The following STK24 variants were observed in gnomAD, a reference collection of about 807,000 sequenced individuals.
STK24 encodes serine/threonine kinase 24.
In STK24, 21 loss-of-function variants were observed where a neutral mutation model predicts 55.6. The ratio of observed to expected loss-of-function variants is 0.38; its 90% CI spans 0.27 to 0.54. STK24 has a LOEUF of 0.54. STK24 is among the 20% of genes least tolerant of loss of function. STK24 has a pLI of 0.79. For missense variants in STK24, 383 were observed against 538.4 expected, an observed-to-expected ratio of 0.71 and a Z score of 2.86; for synonymous variants, 200 against 215.2, an observed-to-expected ratio of 0.93 and a Z score of 0.62.
At chr13:98,470,926 T>G (rs1461989661) in intron 5 of STK24, among the ~76,000 whole-genome samples, 1 of 152,258 alleles carries the variant, frequency 6.6e-6, no homozygotes, top group African/African-American at 2.4e-5. Flanking sequence ...TGATATAAGC[T>G]TATTACTTAA....
chr13:98,493,155 A>C (rs1449533591), intron 2 of STK24, among the ~76,000 whole-genome samples: 1 of 152,218 alleles, frequency 6.6e-6, no homozygotes, highest in East Asian at 1.9e-4. Context: ...AACTGGAAAG[A>C]ACACTGGGCA....
intron 1 of STK24, among the ~76,000 whole-genome samples, chr13:98,520,867 C>T (rs1448183380): frequency 6.6e-6 from 1 of 152,264 alleles, no homozygotes; most frequent in Non-Finnish European, 1.5e-5. Flanking sequence ...ACAGTGACCT[C>T]CTGCACACAG....
intron 5 of STK24, among the ~76,000 whole-genome samples, chr13:98,472,629 G>GC (rs1894195519): frequency 1.3e-5 from 2 of 152,194 alleles, no homozygotes; most frequent in African/African-American, 4.8e-5. Flanking sequence ...AATGGCACCA[G>GC]CTTGATTTTC....
rs1157352281 is a variant in STK24 at position 98,481,457 on chromosome 13, G to A, written c.330+808C>T. Among the ~76,000 whole-genome samples, 4 of 152,192 alleles carry A rather than the reference G, an allele frequency of 2.6e-5. No individual in the cohort carries two copies. In the East Asian group the frequency reaches 7.7e-4, roughly 29 times the overall value. On this transcript the variant is annotated intron_variant, in intron 3 of 10. Transcript: ENST00000539966. ...CACCCTGGGAGCGCTGGCAAGCAGG[G>A]AAGTGTGTGTTCCCCTTAGGCATGA...
chr13:98,564,834 G>T lies in STK24; in HGVS notation c.42+11911C>A, dbSNP rs545236320. ...GCAGGAGGACTGCTTGAGGCCAAGA[G>T]TTCAAGTCCAGCCTTGGCAACATAG... On this transcript the variant is annotated intron_variant, in intron 1 of 10. Transcript: ENST00000539966. Among the ~76,000 whole-genome samples the T allele has an allele frequency of 5.9e-5, 9 of 152,250 alleles. No homozygotes were observed. In the South Asian group the frequency reaches 1.5e-3, roughly 25 times the overall value.
At chr13:98,539,730 G>A (rs1215031787) in intron 1 of STK24, among the ~76,000 whole-genome samples, 2 of 152,158 alleles carry the variant, frequency 1.3e-5, no homozygotes, top group East Asian at 1.9e-4. Context: ...ACAAACGGCT[G>A]GAGGGAGCAA....
intron 2 of STK24, among the ~76,000 whole-genome samples, chr13:98,512,007 C>G (rs1465103629): frequency 6.6e-6 from 1 of 151,326 alleles, no homozygotes; most frequent in Non-Finnish European, 1.5e-5. Context: ...GCCTCGGCCT[C>G]CCAATTAGCT....
Position 98,531,594 on chromosome 13 carries a change from C to G in STK24, c.43-12121G>C, listed in dbSNP as rs995927109. 2.6e-5 allele frequency among the ~76,000 whole-genome samples: 4 copies of G among 152,190 alleles called. No individual in the cohort carries two copies. The South Asian group carries it at 8.3e-4, about 32-fold the overall frequency. ...TTTGATATGAACAGAACCGGAGAAA[C>G]ATCAAGCTCCTGATTTTGACTTAAT... On this transcript the variant is annotated intron_variant, in intron 1 of 10. Transcript: ENST00000539966.
chr13:98,542,898 AC>A (rs1334198053), intron 1 of STK24: 9 of 985,368 alleles, frequency 9.1e-6, no homozygotes, highest in Non-Finnish European at 6.0e-6. Flanking sequence ...TCCAAACAAC[AC>A]CAGAACACGC....
intron 1 of STK24, among the ~76,000 whole-genome samples, chr13:98,529,278 C>A (rs1896516510): frequency 6.6e-6 from 1 of 152,170 alleles, no homozygotes; most frequent in Admixed American, 6.5e-5. Context: ...AACATGCAAA[C>A]CGCGTCATGG....
Position 98,576,860 on chromosome 13 carries a change from G to C in STK24, c.-74C>G. 2 of 995,664 alleles carry C rather than the reference G, an allele frequency of 2.0e-6. No individual in the cohort carries two copies. The highest frequency in any genetic ancestry group is 2.4e-6 in the Non-Finnish European group (2 of 832,576). The allele number at this position is 995,664 out of a possible 1,614,324, so 61.7% of individuals were successfully genotyped here. A position where few individuals can be genotyped will look rare whatever the true frequency, so the allele number is the denominator to read the frequency against. ...ATCCGCGCGGGGCGGCGAGGCCCGC[G>C]GGCCGCGCGCAGCCCTCGGGCGGCG... On this transcript the variant is annotated 5_prime_UTR_variant, in exon 1 of 11. Transcript: ENST00000539966.
intron 2 of STK24, among the ~76,000 whole-genome samples, chr13:98,499,533 G>T (rs1310439037): frequency 3.3e-5 from 5 of 152,218 alleles, no homozygotes; most frequent in African/African-American, 4.8e-5. Flanking sequence ...GATGGGGCAG[G>T]TGGAATGTCA....
intron 7 of STK24, among the ~76,000 whole-genome samples, chr13:98,462,497 T>C (rs979139679): frequency 2.6e-5 from 4 of 152,126 alleles, no homozygotes; most frequent in Non-Finnish European, 5.9e-5. Flanking sequence ...GATCATCCCC[T>C]GATGCCTGTG....
At chr13:98,480,173 T>C (rs1339481002) in intron 3 of STK24, among the ~76,000 whole-genome samples, 1 of 152,248 alleles carries the variant, frequency 6.6e-6, no homozygotes, top group Non-Finnish European at 1.5e-5. Context: ...ATTTTTTAAG[T>C]GGAGAGTTTT....
At position 98,457,292 on chromosome 13, in the gene STK24, T is replaced by A. The variant is rs1893505969; in HGVS notation, c.1135A>T (p.Ser379Cys). 2 of 1,613,936 alleles carry A rather than the reference T, an allele frequency of 1.2e-6. No homozygotes were observed. The highest frequency in any genetic ancestry group is 2.7e-5 in the African/African-American group (2 of 74,914). The change falls in exon 10 of 11, where the codon AGC becomes TGC. Residue 379 changes from serine (S) to cysteine (C), a missense_variant. Ser to Cys is a moderately radical substitution (Grantham distance 112). Transcript: ENST00000539966. ...CCCAAGTTCCCTCCGCACGCCTGGC[T>A]CTTCTCCTTCAACTGAAAACACACG... ...SPLFAELKEK[S>C]QACGGNLGSI...
In STK24 at chr13:98,564,210, T is replaced by A. The variant is rs188948303; in HGVS notation, c.42+12535A>T. 1.9e-3 allele frequency among the ~76,000 whole-genome samples: 288 copies of A among 152,336 alleles called. 5 individuals are homozygous for A. Among genetic ancestry groups the A allele is most frequent in the Non-Finnish European group, 1.2e-4 (8 of 68,038 alleles). On this transcript the variant is annotated intron_variant, in intron 1 of 10. Transcript: ENST00000539966. The stretch of plus-strand genomic sequence containing the variant: ...GTATTACATTTAGTTAAGTGTTAAA[T>A]ACAACAGCTACCGAGAAAAGAAAAT...
At chr13:98,453,268 A>G in intron 10 of STK24, 59 bp from the exon 11 acceptor site, 3 of 1,544,276 alleles carry the variant, frequency 1.9e-6, no homozygotes, top group Non-Finnish European at 2.6e-6. Flanking sequence ...CTGTGCAAAA[A>G]TTCATATAGT....
chr13:98,457,135 C>T (rs1409248843), intron 10 of STK24, 33 bp downstream of exon 10: 1 of 1,599,718 alleles, frequency 6.3e-7, no homozygotes, highest in Non-Finnish European at 8.5e-7. Flanking sequence ...CAGGTCTCTC[C>T]TTCCCCAGCC....
chr13:98,470,944 C>T (rs56294784), intron 5 of STK24, among the ~76,000 whole-genome samples: 75,796 of 152,058 alleles, frequency 0.5, 19,138 homozygotes, highest in Non-Finnish European at 0.55. Context: ...TAAGCAGATG[C>T]GATCATTAGG....
Sources: gnomAD v4.1 joint callset for allele counts (sites outside exome capture counted in the v4.1 genomes callset) on GRCh38, gnomAD v4.1.1 for gene constraint, MANE v1.5 for transcripts, NCBI Gene and HGNC (gene_info 2026-07-23, HGNC 2026-07-21) for gene names.